The following IL1RAPL1 variants were observed in gnomAD, a reference collection of about 807,000 sequenced individuals.
IL1RAPL1 encodes the protein interleukin 1 receptor accessory protein like 1.
IL1RAPL1 carries 3 observed loss-of-function variants against 48.4 expected under a neutral mutation model. The observed-to-expected ratio is 0.06, with a 90% CI of 0.03 to 0.16. The LOEUF (loss-of-function observed/expected upper bound fraction) is 0.16, where lower values mean the gene tolerates loss of function less well. Among genes scored for constraint, IL1RAPL1 ranks in the 10% least tolerant of loss-of-function variants. The pLI is 1.00. For synonymous variants in IL1RAPL1, 185 were observed against 187.7 expected, an observed-to-expected ratio of 0.99 and a Z score of 0.12; for missense variants, 349 against 530.6, an observed-to-expected ratio of 0.66 and a Z score of 3.36.
chrX:29,885,505 G>C lies in IL1RAPL1; in HGVS notation c.779-31959G>C, dbSNP rs1014548615. On this transcript the variant is annotated intron_variant, in intron 6 of 10. Coordinates refer to ENST00000378993, the MANE Select transcript of IL1RAPL1 (RefSeq NM_014271.4). Reference sequence around the variant, plus strand: ...CATAGAAGTAACTCAGTGAACATCAGAACTATTAAAAGCATATACAATCAG... The same window carrying C: ...CATAGAAGTAACTCAGTGAACATCACAACTATTAAAAGCATATACAATCAG... 5.4e-5 allele frequency among the ~76,000 whole-genome samples: 6 copies of C among 111,318 alleles called. 1 individual carries two copies. The East Asian group carries it at 1.7e-3, about 31-fold the overall frequency.
At chrX:28,637,235 A>T (rs2146896631) in intron 1 of IL1RAPL1, among the ~76,000 whole-genome samples, 1 of 110,834 alleles carries the variant, frequency 9.0e-6, no homozygotes, top group African/African-American at 3.3e-5. Context: ...GCCCTTTCTA[A>T]TCTCTGATTT....
intron 5 of IL1RAPL1, among the ~76,000 whole-genome samples, chrX:29,461,836 T>C (rs991864508): frequency 9.9e-5 from 11 of 111,671 alleles, no homozygotes; most frequent in African/African-American, 3.6e-4. Flanking sequence ...AGAGGCAAAA[T>C]CAGTGGGTTC....
intron 3 of IL1RAPL1, among the ~76,000 whole-genome samples, chrX:29,327,849 C>T (rs970396937): frequency 2.7e-5 from 3 of 110,052 alleles, no homozygotes; most frequent in East Asian, 5.7e-4. Context: ...CACAACTATT[C>T]GACTCCACCA....
intron 3 of IL1RAPL1, among the ~76,000 whole-genome samples, chrX:29,317,636 C>G (rs1398880003): frequency 9.0e-6 from 1 of 111,697 alleles, no homozygotes; most frequent in African/African-American, 3.2e-5. Context: ...TGTTTCTTCC[C>G]CAAGGGATTA....
chrX:29,307,761 C>T (rs1446535843), intron 3 of IL1RAPL1, among the ~76,000 whole-genome samples: 1 of 111,977 alleles, frequency 8.9e-6, no homozygotes. Flanking sequence ...ACACAATCAA[C>T]AATGCTTTCT....
At chrX:29,525,570 G>A (rs967508385) in intron 5 of IL1RAPL1, among the ~76,000 whole-genome samples, 1 of 111,619 alleles carries the variant, frequency 9.0e-6, no homozygotes, top group African/African-American at 3.3e-5. Flanking sequence ...GTTTGAGCAG[G>A]TTGAATAAGC....
intron 2 of IL1RAPL1, among the ~76,000 whole-genome samples, chrX:29,221,618 CAT>C (rs1326923146): frequency 8.6e-3 from 353 of 41,005 alleles, no homozygotes; most frequent in African/African-American, 0.026. Context: ...TATACACACA[CAT>C]ACACACACAC....
intron 5 of IL1RAPL1, among the ~76,000 whole-genome samples, chrX:29,597,204 A>G (rs1923580370): frequency 1.1e-5 from 1 of 91,941 alleles, no homozygotes; most frequent in Non-Finnish European, 2.0e-5. Context: ...CCCAGGCTGG[A>G]GTGCAATGGC....
chrX:29,866,597 A>G (rs1247713976), intron 6 of IL1RAPL1, among the ~76,000 whole-genome samples: 1 of 108,475 alleles, frequency 9.2e-6, no homozygotes, highest in East Asian at 2.8e-4. Context: ...GAAGCAAAAA[A>G]AAATCTATTT....
chrX:29,336,300 T>TTG (rs1932994897), intron 3 of IL1RAPL1, among the ~76,000 whole-genome samples: 1 of 20,451 alleles, frequency 4.9e-5, no homozygotes, highest in Admixed American at 4.2e-4. Flanking sequence ...ATGCACCGTT[T>TTG]TGGGGTGTGT....
intron 6 of IL1RAPL1, among the ~76,000 whole-genome samples, chrX:29,687,056 T>C (rs751794593): frequency 9.1e-5 from 10 of 110,300 alleles, no homozygotes; most frequent in Non-Finnish European, 1.9e-4. Context: ...CTGGTGGCAA[T>C]GTAAATTCAT....
chrX:29,955,925 A>G lies in IL1RAPL1; in HGVS notation c.*105A>G, dbSNP rs1933411853. On this transcript the variant is annotated 3_prime_UTR_variant, in exon 11 of 11. Coordinates refer to ENST00000378993, the MANE Select transcript of IL1RAPL1 (RefSeq NM_014271.4). ...CTGCTGTTAAAAAACATGCATTAGA[A>G]TCTCTAGAACACGAGGAAAAACAGG... The G allele has an allele frequency of 7.8e-6, 5 of 640,939 alleles. No homozygotes were observed. The East Asian group carries it at 1.3e-4, about 17-fold the overall frequency. The allele number at this position is 640,939 out of a possible 1,213,427, so 52.8% of individuals were successfully genotyped here.
At chrX:29,694,090 T>C (rs1926846838) in intron 6 of IL1RAPL1, among the ~76,000 whole-genome samples, 1 of 111,746 alleles carries the variant, frequency 8.9e-6, no homozygotes, top group Admixed American at 9.5e-5. Flanking sequence ...TTAATACATA[T>C]TATTGGGCAG....
rs1448774097 is a variant in IL1RAPL1, at chrX:28,601,143, A to G, written c.-25+13096A>G. 4.5e-5 allele frequency among the ~76,000 whole-genome samples: 5 copies of G among 111,681 alleles called. No homozygotes were observed. The East Asian group carries it at 1.1e-3, about 25-fold the overall frequency. On this transcript the variant is annotated intron_variant, in intron 1 of 10. Transcript: ENST00000378993. ...TTACAGATATAAACATCTCTCGGCCAGGCACGGTGGCTCATGCCTGTAATC... is the reference window on the plus strand; with the variant it reads ...TTACAGATATAAACATCTCTCGGCCGGGCACGGTGGCTCATGCCTGTAATC...
At position 28,723,693 on chromosome X, in the gene IL1RAPL1, C is replaced by G. The variant is rs773172517; in HGVS notation, c.-24-65627C>G. ...TCTTTTAATTGTGATATTAGGGTGT[C>G]AATTTTAGATCTTTCCTGCTTTCTC... On this transcript the variant is annotated intron_variant, in intron 1 of 10. Transcript: ENST00000378993. 4.5e-5 allele frequency among the ~76,000 whole-genome samples: 5 copies of G among 111,616 alleles called. No homozygotes were observed. The South Asian group carries it at 1.9e-3, about 42-fold the overall frequency.
intron 6 of IL1RAPL1, among the ~76,000 whole-genome samples, chrX:29,684,225 G>A (rs1053894114): frequency 8.9e-6 from 1 of 111,828 alleles, no homozygotes; most frequent in African/African-American, 3.2e-5. Context: ...TCTGGAGGAT[G>A]GAAGTTCCAA....
intron 2 of IL1RAPL1, among the ~76,000 whole-genome samples, chrX:29,156,374 C>A (rs1219777910): frequency 8.9e-6 from 1 of 111,914 alleles, no homozygotes; most frequent in Non-Finnish European, 1.9e-5. Context: ...AAGACTTCGA[C>A]TTAAACTCTA....
intron 5 of IL1RAPL1, among the ~76,000 whole-genome samples, chrX:29,482,392 G>T (rs1935050534): frequency 9.0e-6 from 1 of 111,694 alleles, no homozygotes; most frequent in East Asian, 2.8e-4. Context: ...TATGATACTG[G>T]TGTTTACTAA....
At chrX:28,862,583 T>C (rs1330581141) in intron 2 of IL1RAPL1, among the ~76,000 whole-genome samples, 1 of 111,868 alleles carries the variant, frequency 8.9e-6, no homozygotes, top group Non-Finnish European at 1.9e-5. Context: ...GTAAGATGTG[T>C]AACGTAGACA....
Sources: allele counts gnomAD v4.1 joint callset (sites outside exome capture counted in the v4.1 genomes callset), GRCh38; gene constraint gnomAD v4.1.1; transcripts MANE v1.5; gene names NCBI Gene and HGNC (gene_info 2026-07-23, HGNC 2026-07-21).